RAPGEF1: variants seen among roughly 807,000 people sequenced by gnomAD.
The protein encoded by RAPGEF1 is Rap guanine nucleotide exchange factor 1.
Under a neutral mutation model 143.3 loss-of-function variants are expected in RAPGEF1, and 33 were observed. The observed-to-expected ratio is 0.23, with a 90% CI of 0.17 to 0.31. RAPGEF1 has a LOEUF of 0.31. Ranked by LOEUF, RAPGEF1 falls within the 10% of genes least tolerant of loss-of-function variation. The pLI, the probability that RAPGEF1 is intolerant of heterozygous loss-of-function variation, is 1.00. For synonymous variants in RAPGEF1, 629 were observed against 676.5 expected (o/e 0.93, Z 1.09); for missense variants, 1,199 against 1,645.4 (o/e 0.73, Z 4.69).
Position 131,618,551 on chromosome 9 carries a change from T to C in RAPGEF1, c.2061+500A>G, listed in dbSNP as rs145450077. ...ACCTGGCTTTCTACGTGAGGAATAG[T>C]ACCACCCATCTACTCATCCATCTCA... On this transcript the variant is annotated intron_variant, in intron 12 of 26. Transcript: ENST00000683357. Among the ~76,000 whole-genome samples, 6 of 152,366 alleles carry C rather than the reference T, an allele frequency of 3.9e-5. No individual in the cohort carries two copies. The East Asian group carries it at 9.6e-4, about 24-fold the overall frequency.
At position 131,629,250 on chromosome 9, in the gene RAPGEF1, C is replaced by A. The variant is rs1964185340; in HGVS notation, c.745G>T (p.Ala249Ser). ...TCGCGGTCTGTCAGGGGGAGCTCTG[C>A]TGGGCTGGAGAATTGGGAAGAACTT... Reference protein sequence around the residue: ...SSPASKPDGPAELPLTDREVE... With the variant: ...SSPASKPDGPSELPLTDREVE... Residue 249 changes from alanine (A) to serine (S), a missense_variant, in exon 7 of 27, where the codon GCA (alanine) becomes TCA (serine). By Grantham distance (99) the Ala-to-Ser change is moderately conservative. Coordinates refer to ENST00000683357, the MANE Select transcript of RAPGEF1 (RefSeq NM_001377935.1). 6.2e-7 allele frequency: 1 copy of A among 1,612,990 alleles called. No homozygotes were observed. Among genetic ancestry groups the A allele is most frequent in the African/African-American group, 1.3e-5 (1 of 74,880 alleles).
chr9:131,654,654 C>A (rs953388281), intron 1 of RAPGEF1, among the ~76,000 whole-genome samples: 5 of 152,162 alleles, frequency 3.3e-5, no homozygotes, highest in African/African-American at 7.2e-5. Flanking sequence ...GTGAGCACTG[C>A]GCTCCAGCCT....
At chr9:131,722,402 C>G (rs1836330121) in intron 1 of RAPGEF1, among the ~76,000 whole-genome samples, 1 of 152,248 alleles carries the variant, frequency 6.6e-6, no homozygotes, top group Admixed American at 6.5e-5. Context: ...TAAGTGCCAT[C>G]TGTGTTGTCA....
intron 1 of RAPGEF1, among the ~76,000 whole-genome samples, chr9:131,661,160 C>A (rs936685670): frequency 6.6e-6 from 1 of 152,184 alleles, no homozygotes; most frequent in East Asian, 1.9e-4. Context: ...CCAAAGAACG[C>A]CTGTGTGAGG....
chr9:131,706,178 C>T (rs969459499), intron 1 of RAPGEF1, among the ~76,000 whole-genome samples: 8 of 152,230 alleles, frequency 5.3e-5, no homozygotes, highest in Middle Eastern at 3.4e-3. Flanking sequence ...GCCCTGGAAC[C>T]TGGGGCCATC....
chr9:131,672,452 G>A (rs1831557118), intron 1 of RAPGEF1, among the ~76,000 whole-genome samples: 1 of 152,170 alleles, frequency 6.6e-6, no homozygotes, highest in Non-Finnish European at 1.5e-5. Flanking sequence ...TTTAGCCCTG[G>A]TGCAAACCTA....
chr9:131,673,747 G>T (rs1831794405), intron 1 of RAPGEF1, among the ~76,000 whole-genome samples: 1 of 152,150 alleles, frequency 6.6e-6, no homozygotes, highest in Non-Finnish European at 1.5e-5. Context: ...AAAGTCCAAT[G>T]GTGCTGAGTC....
intron 16 of RAPGEF1, among the ~76,000 whole-genome samples, chr9:131,597,994 A>G (rs530103453): frequency 6.6e-6 from 1 of 152,190 alleles, no homozygotes; most frequent in Non-Finnish European, 1.5e-5. Context: ...ATGACTTTCT[A>G]TAAGCATCAG....
rs1968596740 is a variant in RAPGEF1 at position 131,643,322 on chromosome 9, T to C, written c.411A>G (p.Val137=). The C allele has an allele frequency of 6.2e-7, 1 of 1,613,594 alleles. No individual in the cohort carries two copies. Among genetic ancestry groups the C allele is most frequent in the East Asian group, 2.2e-5 (1 of 44,878 alleles). ...TGGCTGACCCTGGAAGCATCTCCAG[T>C]ACCTTCTTATCAATTGCCATTTTGT... The part of the protein sequence containing the change: ...IVDKMAIDKK[V]LEMLPGSASK... Residue 137 remains valine, a synonymous_variant, in exon 4 of 27, where the codon GTA becomes GTG. Transcript: ENST00000683357.
At chr9:131,672,695 T>C (rs1831605161) in intron 1 of RAPGEF1, among the ~76,000 whole-genome samples, 1 of 152,170 alleles carries the variant, frequency 6.6e-6, no homozygotes, top group South Asian at 2.1e-4. Context: ...ACCCTTTGAC[T>C]TCGACAGCAG....
In RAPGEF1 at chr9:131,624,873, C is replaced by G. The variant is rs1278834025; in HGVS notation, c.1702+1049G>C. Reference sequence around the variant, plus strand: ...TGGGGGACCACACTGCTGAGGCCATCACACAAGCTGGGCAACACCCACTGA... The same window carrying G: ...TGGGGGACCACACTGCTGAGGCCATGACACAAGCTGGGCAACACCCACTGA... On this transcript the variant is annotated intron_variant, in intron 10 of 26. Coordinates refer to ENST00000683357, the MANE Select transcript of RAPGEF1 (RefSeq NM_001377935.1). Among the ~76,000 whole-genome samples, 5 of 152,370 alleles carry G rather than the reference C, an allele frequency of 3.3e-5. No homozygotes were observed. The East Asian group carries it at 9.6e-4, about 29-fold the overall frequency.
intron 12 of RAPGEF1, among the ~76,000 whole-genome samples, chr9:131,610,328 C>G (rs569121629): frequency 6.6e-6 from 1 of 152,100 alleles, no homozygotes; most frequent in Admixed American, 6.5e-5. Context: ...GTTAGGGACA[C>G]AGGCTGAGGA....
intron 5 of RAPGEF1, among the ~76,000 whole-genome samples, chr9:131,637,113 A>G (rs1966570747): frequency 6.6e-6 from 1 of 152,022 alleles, no homozygotes; most frequent in African/African-American, 2.4e-5. Flanking sequence ...TAATCCCAGC[A>G]TCTCGGGAGG....
chr9:131,591,160 G>A (rs1023264290), intron 18 of RAPGEF1, among the ~76,000 whole-genome samples: 3 of 152,350 alleles, frequency 2.0e-5, no homozygotes, highest in African/African-American at 2.4e-5. Flanking sequence ...CCGAGGCTCC[G>A]CCAATGGAGG....
intron 1 of RAPGEF1, among the ~76,000 whole-genome samples, chr9:131,674,696 G>C (rs1831995915): frequency 6.6e-6 from 1 of 152,234 alleles, no homozygotes; most frequent in Admixed American, 6.5e-5. Context: ...ACCTGCTCCA[G>C]TTCAGACGGC....
chr9:131,700,862 G>A (rs1834587557), intron 1 of RAPGEF1, among the ~76,000 whole-genome samples: 1 of 152,178 alleles, frequency 6.6e-6, no homozygotes, highest in African/African-American at 2.4e-5. Flanking sequence ...TGCAAGTGAA[G>A]AATGGTTTTC....
chr9:131,695,134 T>C (rs1031629711), intron 1 of RAPGEF1, among the ~76,000 whole-genome samples: 1 of 152,152 alleles, frequency 6.6e-6, no homozygotes, highest in African/African-American at 2.4e-5. Context: ...GCTAAAACAA[T>C]GCCTGGCATG....
rs557991822 is a variant in RAPGEF1, at chr9:131,730,396, C to T, written c.61+9374G>A. Among the ~76,000 whole-genome samples, 307 of 151,238 alleles carry T rather than the reference C, an allele frequency of 2.0e-3. 2 individuals carry two copies. The highest frequency in any genetic ancestry group is 2.6e-3 in the Non-Finnish European group (177 of 67,734). On this transcript the variant is annotated intron_variant, in intron 1 of 26. Transcript: ENST00000683357. ...CAGTCTAGACTCCCAAAGAACCAGC[C>T]TTAGGCTGGGAGGTGGCTCACACCT...
intron 22 of RAPGEF1, 79 bp downstream of exon 22, chr9:131,587,657 C>A (rs1361666352): frequency 9.8e-6 from 13 of 1,321,870 alleles, no homozygotes; most frequent in Non-Finnish European, 1.4e-5. Flanking sequence ...CATTCAAGCT[C>A]CCTGCAAAGG....
Sources: allele counts gnomAD v4.1 joint callset (sites outside exome capture counted in the v4.1 genomes callset), GRCh38; gene constraint gnomAD v4.1.1; transcripts MANE v1.5; gene names NCBI Gene and HGNC (gene_info 2026-07-23, HGNC 2026-07-21).